The following TTLL12 variants were observed in gnomAD, a reference collection of about 807,000 sequenced individuals.
TTLL12 encodes the protein tubulin--tyrosine ligase-like protein 12.
Under a neutral mutation model 79.6 loss-of-function variants are expected in TTLL12, and 77 were observed. The ratio of observed to expected loss-of-function variants is 0.97; its 90% CI spans 0.81 to 1.17. The LOEUF is 1.17. TTLL12 is among the 50% of genes most tolerant of loss of function. The pLI is 0.00. For missense variants in TTLL12, 969 were observed against 895.9 expected (o/e 1.08, Z -1.04); for synonymous variants, 437 against 376.1 (o/e 1.16, Z -1.87).
At chr22:43,173,588 C>G (rs1931819575) in intron 9 of TTLL12, 127 bp downstream of exon 9, 3 of 815,432 alleles carry the variant, frequency 3.7e-6, no homozygotes, top group African/African-American at 3.4e-5. Context: ...GCTGAGATTA[C>G]AGGTGTAAGC....
chr22:43,185,630 A>T (rs115096319), intron 1 of TTLL12, among the ~76,000 whole-genome samples: 1 of 152,164 alleles, frequency 6.6e-6, no homozygotes, highest in African/African-American at 2.4e-5. Context: ...TGTGCCAGGC[A>T]TATTTCTCAT....
chr22:43,174,056 C>A (rs932042717), intron 8 of TTLL12, among the ~76,000 whole-genome samples, 153 bp downstream of exon 8: 1 of 152,140 alleles, frequency 6.6e-6, no homozygotes, highest in African/African-American at 2.4e-5. Context: ...AGAGGTCCTG[C>A]GGTCCGTGAA....
intron 5 of TTLL12, among the ~76,000 whole-genome samples, chr22:43,176,706 G>T (rs377241535): frequency 2.7e-5 from 4 of 146,764 alleles, no homozygotes; most frequent in African/African-American, 7.7e-5. Flanking sequence ...CTCCAGCCTG[G>T]GAGAGAGTGT....
chr22:43,180,844 C>G lies in TTLL12; in HGVS notation c.444G>C (p.Leu148=). 6.2e-7 allele frequency: 1 copy of G among 1,613,118 alleles called. No individual in the cohort carries two copies. Among genetic ancestry groups the G allele is most frequent in the Non-Finnish European group, 8.5e-7 (1 of 1,179,962 alleles). ...VPGLLHRMAN[L]MGIEFHGELP... ...GCTCACCGTGGAACTCAATGCCCAT[C>G]AGGTTGGCCATGCGGTGCAGCAGCC... The change falls in exon 3 of 14, where the codon CTG becomes CTC. Residue 148 remains leucine (L), a synonymous_variant. Transcript: ENST00000216129.
At position 43,169,589 on chromosome 22, in the gene TTLL12, A is replaced by G. The variant is rs752063262; in HGVS notation, c.1576-21T>C. ...TGCACCTGCAACAGACACAGGGCCCATCACGCTCTGTACAGGCCTCCGCTG... is the reference window on the plus strand; with the variant it reads ...TGCACCTGCAACAGACACAGGGCCCGTCACGCTCTGTACAGGCCTCCGCTG... On this transcript the variant is annotated intron_variant, in intron 11 of 13. Coordinates refer to ENST00000216129, the MANE Select transcript of TTLL12 (RefSeq NM_015140.4). 22 of 1,612,122 alleles carry G rather than the reference A, an allele frequency of 1.4e-5. No homozygotes were observed. In the African/African-American group the frequency reaches 2.5e-4, roughly 19 times the overall value.
rs377720569 is a variant in TTLL12, at chr22:43,176,302, T to TAG, written c.917+17_917+18insCT. 6.7e-7 allele frequency: 1 copy of TAG among 1,494,076 alleles called. No homozygotes were observed. Among genetic ancestry groups the TAG allele is most frequent in the Admixed American group, 2.0e-5 (1 of 51,244 alleles). 92.6% of individuals were successfully genotyped at this position (1,494,076 alleles called of 1,614,324 possible). A position where few individuals can be genotyped will look rare whatever the true frequency, so the allele number is the denominator to read the frequency against. ...TGCGGACAAGTCCCAGCCCAAGCAG[T>TAG]GGGGGGGGGCTACGCACTTGAAGAT... On this transcript the variant is annotated intron_variant, in intron 6 of 13. Coordinates refer to ENST00000216129, the MANE Select transcript of TTLL12 (RefSeq NM_015140.4).
rs370122397 is a variant in TTLL12 at position 43,180,837 on chromosome 22, T to C, written c.451A>G (p.Ile151Val). The change falls in exon 3 of 14, where the codon ATT becomes GTT. Residue 151 changes from isoleucine (I) to valine (V), a missense_variant. Transcript: ENST00000216129. ...CTGGGCAGCTCACCGTGGAACTCAA[T>C]GCCCATCAGGTTGGCCATGCGGTGC... is the stretch of plus-strand genomic sequence containing the variant. Reference protein sequence around the residue: ...LLHRMANLMGIEFHGELPSTE... With the variant: ...LLHRMANLMGVEFHGELPSTE... The C allele has an allele frequency of 6.2e-7, 1 of 1,613,006 alleles. No homozygotes were observed. The highest frequency in any genetic ancestry group is 8.5e-7 in the Non-Finnish European group (1 of 1,179,972).
At position 43,183,019 on chromosome 22, in the gene TTLL12, A is replaced by G. The variant is rs957577222; in HGVS notation, c.308T>C (p.Val103Ala). ...PGNELCYKVI[V>A]TRESGLQAAH... The stretch of plus-strand genomic sequence containing the variant: ...TGCCTGGAGCCCGCTCTCCCTGGTC[A>G]CGATGACCTTGTAGCACAGCTCGTT... Residue 103 changes from valine to alanine, a missense_variant, in exon 2 of 14, where the codon GTG becomes GCG. Coordinates refer to ENST00000216129, the MANE Select transcript of TTLL12 (RefSeq NM_015140.4). 3 of 1,613,784 alleles carry G rather than the reference A, an allele frequency of 1.9e-6. No homozygotes were observed. The highest frequency in any genetic ancestry group is 2.5e-6 in the Non-Finnish European group (3 of 1,179,932).
intron 11 of TTLL12, 117 bp from the exon 12 acceptor site, chr22:43,169,685 G>C (rs779733149): frequency 8.4e-6 from 9 of 1,077,784 alleles, no homozygotes; most frequent in Admixed American, 8.0e-5. Context: ...TCCAGGAGCA[G>C]GCAGCCAACC....
intron 5 of TTLL12, among the ~76,000 whole-genome samples, chr22:43,177,516 G>A (rs878863976): frequency 6.6e-6 from 1 of 152,210 alleles, no homozygotes; most frequent in African/African-American, 2.4e-5. Flanking sequence ...AAGGGACAGG[G>A]TTGCTTCTGC....
chr22:43,172,639 A>G, intron 9 of TTLL12, 85 bp from the exon 10 acceptor site: 6 of 1,487,840 alleles, frequency 4.0e-6, no homozygotes, highest in South Asian at 1.2e-5. Context: ...CAGGGGGCAC[A>G]GACATGGCTG....
Position 43,183,151 on chromosome 22 carries a change from TGGGG to T in TTLL12, c.178-6_178-3del. ...AAACACTTCCCCAGCGTCGAAAACC[TGGGG>T]GCCAGAGTTCCCGTCAGCAGGGGTG... On this transcript the variant is annotated splice_region_variant and splice_polypyrimidine_tract_variant and intron_variant, in intron 1 of 13. Transcript: ENST00000216129. 1 of 1,613,702 alleles carries T rather than the reference TGGGG, an allele frequency of 6.2e-7. No homozygotes were observed. The highest frequency in any genetic ancestry group is 8.5e-7 in the Non-Finnish European group (1 of 1,179,838).
chr22:43,187,088 G>C lies in TTLL12; in HGVS notation c.-19C>G, dbSNP rs892316081. 8.8e-6 allele frequency: 10 copies of C among 1,132,766 alleles called. No individual in the cohort carries two copies. Among genetic ancestry groups the C allele is most frequent in the Non-Finnish European group, 1.1e-5 (10 of 927,564 alleles). 70.2% of individuals were successfully genotyped at this position (1,132,766 alleles called of 1,614,324 possible). The stretch of plus-strand genomic sequence containing the variant: ...CCTCCATGGCGCCAGCACCCGCGCC[G>C]ACTCCAGCGCCGCCACCGCCGCCGC... On this transcript the variant is annotated 5_prime_UTR_variant, in exon 1 of 14. Transcript: ENST00000216129.
rs369112353 is a variant in TTLL12 at position 43,168,922 on chromosome 22, G to A, written c.1645-10C>T. ...CCCGGAAGATCTCAGCCTGGGGACC[G>A]GGGAGCCTGAGTTACGAGGCCTGCT... On this transcript the variant is annotated splice_polypyrimidine_tract_variant and intron_variant, in intron 12 of 13. Transcript: ENST00000216129. The A allele has an allele frequency of 8.6e-5, 138 of 1,605,850 alleles. No individual in the cohort carries two copies. The highest frequency in any genetic ancestry group is 1.6e-4 in the African/African-American group (12 of 74,796).
chr22:43,169,390 A>G, intron 12 of TTLL12, 110 bp downstream of exon 12: 1 of 964,500 alleles, frequency 1.0e-6, no homozygotes, highest in Non-Finnish European at 1.5e-6. Context: ...TGCAGGGGAC[A>G]AAGGTCCCTC....
chr22:43,172,471 C>G lies in TTLL12; in HGVS notation c.1425G>C (p.Val475=). 4 of 1,614,200 alleles carry G rather than the reference C, an allele frequency of 2.5e-6. No individual in the cohort carries two copies. Among genetic ancestry groups the G allele is most frequent in the Non-Finnish European group, 3.4e-6 (4 of 1,180,042 alleles). ...GTAGGGGCCTCACTGACCGCAGCAG[C>G]ACGATGTAGCGGATGTCGAACTTGA... ...GKVKFDIRYI[V]LLRSVRPLRL... The change falls in exon 10 of 14, where the codon GTG becomes GTC. Residue 475 remains valine (V), a synonymous_variant. Transcript: ENST00000216129.
chr22:43,176,900 T>C (rs981916245), intron 5 of TTLL12, among the ~76,000 whole-genome samples: 7 of 151,958 alleles, frequency 4.6e-5, no homozygotes, highest in African/African-American at 1.5e-4. Flanking sequence ...GCCCCTCGGA[T>C]GCCGAACAGT....
At chr22:43,171,792 C>A (rs376001488) in intron 11 of TTLL12, 27 bp downstream of exon 11, 9 of 1,608,266 alleles carry the variant, frequency 5.6e-6, no homozygotes, top group Non-Finnish European at 7.7e-6. Context: ...CTGTGTGAAC[C>A]TGCTCTGCAC....
chr22:43,173,574 G>A (rs1931819281), intron 9 of TTLL12, 141 bp downstream of exon 9: 1 of 700,594 alleles, frequency 1.4e-6, no homozygotes, highest in South Asian at 2.1e-5. Context: ...CCACTTCCCA[G>A]AGTGCTGAGA....
Sources: gnomAD v4.1 joint callset for allele counts (sites outside exome capture counted in the v4.1 genomes callset) on GRCh38, gnomAD v4.1.1 for gene constraint, MANE v1.5 for transcripts, NCBI Gene and HGNC (gene_info 2026-07-23, HGNC 2026-07-21) for gene names.